The following TAOK3 variants were observed in gnomAD, a reference collection of about 807,000 sequenced individuals.
TAOK3 encodes the protein serine/threonine-protein kinase TAO3.
In TAOK3, 40 loss-of-function variants were observed where a neutral mutation model predicts 120.4. That is an observed-to-expected ratio of 0.33 (90% CI 0.26 to 0.43). TAOK3 has a LOEUF of 0.43. Among genes scored for constraint, TAOK3 ranks in the 20% least tolerant of loss-of-function variants. The pLI is 1.00. For missense variants in TAOK3, 821 were observed against 1,112.1 expected (o/e 0.74, Z 3.72); for synonymous variants, 355 against 387.5 (o/e 0.92, Z 0.99).
intron 1 of TAOK3, among the ~76,000 whole-genome samples, chr12:118,357,416 C>T (rs1292246957): frequency 6.6e-6 from 1 of 152,172 alleles, no homozygotes; most frequent in African/African-American, 2.4e-5. Context: ...TAACACGTGG[C>T]TTTCCACAAA....
intron 1 of TAOK3, among the ~76,000 whole-genome samples, chr12:118,294,745 G>A (rs930650136): frequency 3.3e-5 from 5 of 152,076 alleles, no homozygotes; most frequent in Non-Finnish European, 5.9e-5. Flanking sequence ...TTGTCATTCA[G>A]TATTAAGATT....
Position 118,199,126 on chromosome 12 carries a change from C to A in TAOK3, c.1119G>T (p.Glu373Asp). 6.2e-7 allele frequency: 1 copy of A among 1,614,166 alleles called. No individual in the cohort carries two copies. ...SVNSMQEVMD[E>D]SSSELVMMHD... ...GCATCATGACAAGTTCGGAACTGCT[C>A]TCGTCCATGACTTCCTGCATGCTGT... Residue 373 changes from glutamate (E) to aspartate (D), a missense_variant, in exon 13 of 21, where the codon GAG becomes GAT. By Grantham distance (45) the Glu-to-Asp change is conservative. Transcript: ENST00000392533.
rs1488119920 is a variant in TAOK3 at position 118,269,238 on chromosome 12, T to G, written c.-193-2479A>C. ...GTACAGTGGCGAGATTTCAGCTCAC[T>G]GCAACCTCCACCTCCCAGGTTCAAA... On this transcript the variant is annotated intron_variant, in intron 1 of 20. Coordinates refer to ENST00000392533, the MANE Select transcript of TAOK3 (RefSeq NM_016281.4). Among the ~76,000 whole-genome samples the G allele has an allele frequency of 2.6e-5, 4 of 151,762 alleles. No homozygotes were observed. The East Asian group carries it at 7.8e-4, about 30-fold the overall frequency.
intron 1 of TAOK3, among the ~76,000 whole-genome samples, chr12:118,306,313 T>C (rs1566092572): frequency 6.6e-6 from 1 of 152,060 alleles, no homozygotes; most frequent in Non-Finnish European, 1.5e-5. Flanking sequence ...TCTATTCCTA[T>C]TTACTGCTAA....
intron 1 of TAOK3, among the ~76,000 whole-genome samples, chr12:118,300,408 G>C (rs2042834853): frequency 6.6e-6 from 1 of 152,210 alleles, no homozygotes; most frequent in African/African-American, 2.4e-5. Flanking sequence ...AATATCAAGT[G>C]ATAAAAGAGA....
chr12:118,196,113 G>C (rs1166105413), intron 13 of TAOK3, among the ~76,000 whole-genome samples: 1 of 150,084 alleles, frequency 6.7e-6, no homozygotes, highest in African/African-American at 2.5e-5. Flanking sequence ...GTTTGGATTA[G>C]GATCCCCTCA....
At chr12:118,318,861 C>T (rs2043583696) in intron 1 of TAOK3, among the ~76,000 whole-genome samples, 1 of 152,154 alleles carries the variant, frequency 6.6e-6, no homozygotes, top group South Asian at 2.1e-4. Flanking sequence ...GAAAATGTGG[C>T]ATGTGTACAC....
At position 118,238,170 on chromosome 12, in the gene TAOK3, C is replaced by T; in HGVS notation, c.341-1G>A. On this transcript the variant is annotated splice_acceptor_variant, in intron 6 of 20. Coordinates refer to ENST00000392533, the MANE Select transcript of TAOK3 (RefSeq NM_016281.4). LOFTEE classifies it high-confidence loss of function. ...ACTTCCTGAAGTGGTTTTTTATGAA[C>T]TGAGGAAGGAAAAAAAAAAAAGTCA... 2 of 1,592,660 alleles carry T rather than the reference C, an allele frequency of 1.3e-6. No homozygotes were observed. Among genetic ancestry groups the T allele is most frequent in the Non-Finnish European group, 1.7e-6 (2 of 1,167,998 alleles).
At chr12:118,248,203 G>GA (rs34130998) in intron 3 of TAOK3, among the ~76,000 whole-genome samples, 5,881 of 115,286 alleles carry the variant, frequency 0.051, 301 homozygotes, top group African/African-American at 0.15. Context: ...ATGTCAAAAT[G>GA]AAAAAAAAAA....
At position 118,231,920 on chromosome 12, in the gene TAOK3, C is replaced by T. The variant is rs572192061; in HGVS notation, c.643+1754G>A. ...CCTGGGTAACAGAGCAAGATTGTGT[C>T]TCAAAAAAAAAAAGAAAAAAAGAAA... is the stretch of plus-strand genomic sequence containing the variant. On this transcript the variant is annotated intron_variant, in intron 9 of 20. Transcript: ENST00000392533. Among the ~76,000 whole-genome samples the T allele has an allele frequency of 6.7e-5, 9 of 135,048 alleles. No individual in the cohort carries two copies. In the South Asian group the frequency reaches 6.9e-4, roughly 10 times the overall value. The allele number at this position is 135,048 out of a possible 152,430, so 88.6% of individuals were successfully genotyped here.
chr12:118,265,821 G>A (rs568627227), intron 2 of TAOK3, among the ~76,000 whole-genome samples: 1 of 152,212 alleles, frequency 6.6e-6, no homozygotes, highest in South Asian at 2.1e-4. Flanking sequence ...TGGGAAACGT[G>A]ACTTCTTTGA....
At chr12:118,213,888 T>C in intron 10 of TAOK3, 129 bp downstream of exon 10, 3 of 775,732 alleles carry the variant, frequency 3.9e-6, no homozygotes, top group South Asian at 3.4e-5. Context: ...GGCATCAGTG[T>C]CACTTGTAAC....
intron 1 of TAOK3, among the ~76,000 whole-genome samples, chr12:118,336,590 A>C (rs948223618): frequency 4.6e-5 from 7 of 152,182 alleles, no homozygotes; most frequent in African/African-American, 1.7e-4. Context: ...AGAAAAAAAA[A>C]TCAATAAATT....
intron 11 of TAOK3, among the ~76,000 whole-genome samples, chr12:118,211,741 G>C (rs1565954007): frequency 6.6e-6 from 1 of 151,642 alleles, no homozygotes; most frequent in Non-Finnish European, 1.5e-5. Flanking sequence ...TCAGCCTCCT[G>C]AGATGCTGGG....
At chr12:118,314,415 G>C (rs2043375394) in intron 1 of TAOK3, among the ~76,000 whole-genome samples, 1 of 152,134 alleles carries the variant, frequency 6.6e-6, no homozygotes. Context: ...ACAATATCGT[G>C]AATTAAGATG....
chr12:118,309,327 CAAAA>C (rs771231916), intron 1 of TAOK3, among the ~76,000 whole-genome samples: 5 of 71,110 alleles, frequency 7.0e-5, no homozygotes, highest in Non-Finnish European at 5.9e-5. Context: ...AGACTGTCTC[CAAAA>C]AAAAAAAAAA....
chr12:118,192,221 C>T (rs983284555), intron 13 of TAOK3, among the ~76,000 whole-genome samples: 4 of 152,084 alleles, frequency 2.6e-5, no homozygotes, highest in African/African-American at 7.2e-5. Flanking sequence ...AGTTGAAGTA[C>T]ACCGGAAAAA....
chr12:118,188,182 C>T (rs1027880306), intron 14 of TAOK3, among the ~76,000 whole-genome samples: 2 of 152,192 alleles, frequency 1.3e-5, no homozygotes, highest in African/African-American at 4.8e-5. Context: ...TTGCTCAGAG[C>T]TTGTTATCAT....
At chr12:118,300,759 A>AT (rs1350727942) in intron 1 of TAOK3, among the ~76,000 whole-genome samples, 15 of 149,454 alleles carry the variant, frequency 1.0e-4, no homozygotes, top group Non-Finnish European at 1.9e-4. Flanking sequence ...TTCCTTTTTG[A>AT]TTTTTTTTTA....
Sources: allele counts gnomAD v4.1 joint callset (sites outside exome capture counted in the v4.1 genomes callset), GRCh38; gene constraint gnomAD v4.1.1; transcripts MANE v1.5; gene names NCBI Gene and HGNC (gene_info 2026-07-23, HGNC 2026-07-21).